Variants in TOGARAM2 observed in about 807,000 individuals in gnomAD.
TOGARAM2 encodes TOG array regulator of axonemal microtubules 2, also known as TOG array regulator of axonemal microtubules protein 2.
In TOGARAM2, 85 loss-of-function variants were observed where a neutral mutation model predicts 93.3. The observed-to-expected ratio is 0.91, with a 90% CI of 0.76 to 1.09. TOGARAM2 has a LOEUF of 1.09. Among genes scored for constraint, TOGARAM2 ranks in the 50% least tolerant of loss-of-function variants. The pLI is 0.00. For missense variants in TOGARAM2, 1,277 were observed against 1,334.5 expected, an observed-to-expected ratio of 0.96 and a Z score of 0.67; for synonymous variants, 593 against 552.8, an observed-to-expected ratio of 1.07 and a Z score of -1.02.
At chr2:29,032,053 G>A (rs1208039838) in intron 14 of TOGARAM2, among the ~76,000 whole-genome samples, 1 of 152,036 alleles carries the variant, frequency 6.6e-6, no homozygotes, top group East Asian at 1.9e-4. Context: ...GACTATTATG[G>A]TGGCCTCCTA....
chr2:29,029,698 G>C (rs1035384559), intron 14 of TOGARAM2, among the ~76,000 whole-genome samples: 1 of 147,386 alleles, frequency 6.8e-6, no homozygotes, highest in Non-Finnish European at 1.5e-5. Context: ...GGAGCTTGCA[G>C]TGAACCGAGA....
chr2:29,015,911 C>T (rs1022605906), intron 8 of TOGARAM2, among the ~76,000 whole-genome samples: 14 of 152,106 alleles, frequency 9.2e-5, no homozygotes, highest in South Asian at 4.1e-4. Flanking sequence ...TATACTGACC[C>T]GCTAGGTCCT....
At chr2:28,990,973 G>GTA (rs1672695157) in intron 1 of TOGARAM2, among the ~76,000 whole-genome samples, 2 of 59,602 alleles carry the variant, frequency 3.4e-5, no homozygotes, top group African/African-American at 1.5e-4. Flanking sequence ...GGACATGCGA[G>GTA]TGTGTGTGTG....
At chr2:29,026,200 C>T (rs905354200) in intron 13 of TOGARAM2, among the ~76,000 whole-genome samples, 10 of 152,216 alleles carry the variant, frequency 6.6e-5, no homozygotes, top group Admixed American at 3.9e-4. Context: ...TTGTTTCTGC[C>T]TCACCCCAGT....
intron 9 of TOGARAM2, 138 bp from the exon 10 acceptor site, chr2:29,017,654 T>A (rs1392176112): frequency 1.2e-6 from 1 of 821,422 alleles, no homozygotes; most frequent in Non-Finnish European, 1.8e-6. Flanking sequence ...CAAGCCATCC[T>A]CCTACCTCGG....
intron 10 of TOGARAM2, among the ~76,000 whole-genome samples, chr2:29,019,878 T>C (rs1183802496): frequency 6.6e-6 from 1 of 152,212 alleles, no homozygotes; most frequent in Non-Finnish European, 1.5e-5. Flanking sequence ...CTTGTCCTCC[T>C]GATTCTCCTA....
intron 4 of TOGARAM2, among the ~76,000 whole-genome samples, chr2:29,000,163 A>G (rs1673210380): frequency 1.3e-5 from 2 of 151,650 alleles, no homozygotes; most frequent in African/African-American, 4.8e-5. Context: ...TGAATCTTGC[A>G]TGTAATTGTC....
Position 29,032,997 on chromosome 2 carries a change from G to A in TOGARAM2, c.2076G>A (p.Lys692=), listed in dbSNP as rs758368903. 6 of 1,613,924 alleles carry A rather than the reference G, an allele frequency of 3.7e-6. No individual in the cohort carries two copies. The highest frequency in any genetic ancestry group is 4.2e-6 in the Non-Finnish European group (5 of 1,179,884). The change falls in exon 15 of 20, where the codon AAG becomes AAA. Residue 692 remains lysine, a synonymous_variant. Coordinates refer to ENST00000379558, the MANE Select transcript of TOGARAM2 (RefSeq NM_199280.4). ...ACACTAAGTTTGATGCATTTCTGAAGCAATCTCTCCCATCTTACGACTTGC... is the reference window on the plus strand; with the variant it reads ...ACACTAAGTTTGATGCATTTCTGAAACAATCTCTCCCATCTTACGACTTGC... The part of the protein sequence containing the change: ...MANTKFDAFL[K]QSLPSYDLQK...
chr2:29,032,498 T>C (rs980931105), intron 14 of TOGARAM2, among the ~76,000 whole-genome samples: 1 of 152,234 alleles, frequency 6.6e-6, no homozygotes, highest in African/African-American at 2.4e-5. Flanking sequence ...TTACCCTTTC[T>C]GGGACTTCTA....
intron 18 of TOGARAM2, among the ~76,000 whole-genome samples, chr2:29,037,320 G>A (rs1666177920): frequency 3.3e-5 from 5 of 152,126 alleles, no homozygotes; most frequent in East Asian, 1.9e-4. Context: ...TACCCAGTAC[G>A]TGGACCAAAG....
At chr2:28,983,713 C>T (rs1249397603) in intron 1 of TOGARAM2, among the ~76,000 whole-genome samples, 1 of 152,140 alleles carries the variant, frequency 6.6e-6, no homozygotes, top group East Asian at 1.9e-4. Flanking sequence ...GCATTTTTAG[C>T]TTTATCAGGT....
chr2:29,050,442 A>G (rs1430632043), intron 19 of TOGARAM2: 2 of 152,236 alleles, frequency 1.3e-5, no homozygotes, highest in East Asian at 1.9e-4. Context: ...CATGCGGTAG[A>G]AAGAGTGTGG....
intron 6 of TOGARAM2, among the ~76,000 whole-genome samples, chr2:29,006,923 A>G (rs957716857): frequency 5.3e-5 from 8 of 151,646 alleles, no homozygotes; most frequent in African/African-American, 1.9e-4. Context: ...CTTTCCTCTT[A>G]TCTCTTTACT....
chr2:29,024,302 A>G lies in TOGARAM2; in HGVS notation c.1781A>G (p.Gln594Arg), dbSNP rs1432703558. Residue 594 changes from glutamine to arginine, a missense_variant, in exon 13 of 20, where the codon CAG becomes CGG. Physicochemically the swap from Gln to Arg is conservative, Grantham distance 43. Coordinates refer to ENST00000379558, the MANE Select transcript of TOGARAM2 (RefSeq NM_199280.4). ...TNEFIQRAAG[Q>R]SLRAMVENVT... ...GAGTTCATCCAGAGAGCAGCCGGCC[A>G]GTCTCTGAGGGCTATGGTGGAGAAT... The G allele has an allele frequency of 1.2e-6, 2 of 1,613,496 alleles. No homozygotes were observed. Among genetic ancestry groups the G allele is most frequent in the Admixed American group, 1.7e-5 (1 of 59,984 alleles).
intron 18 of TOGARAM2, among the ~76,000 whole-genome samples, chr2:29,037,000 C>T (rs969777942): frequency 6.6e-6 from 1 of 152,146 alleles, no homozygotes; most frequent in Non-Finnish European, 1.5e-5. Context: ...CCAGTCCAGC[C>T]TCCTCATAGA....
upstream of TOGARAM2, among the ~76,000 whole-genome samples, chr2:28,976,590 G>A (rs924172872): frequency 6.6e-6 from 1 of 152,164 alleles, no homozygotes; most frequent in Non-Finnish European, 1.5e-5. Context: ...ATGAGGGGTT[G>A]GCTTCTGTTG....
intron 6 of TOGARAM2, among the ~76,000 whole-genome samples, chr2:29,006,106 G>A (rs1572687281): frequency 1.8e-5 from 1 of 56,068 alleles, no homozygotes; most frequent in African/African-American, 4.4e-5. Context: ...GTGCATGTGT[G>A]TGGAGTGCAT....
At chr2:29,012,616 G>A (rs1572703485) in intron 7 of TOGARAM2, among the ~76,000 whole-genome samples, 2 of 152,344 alleles carry the variant, frequency 1.3e-5, no homozygotes, top group East Asian at 3.9e-4. Context: ...ACCTGTGGCA[G>A]GGGCAGGCTG....
chr2:29,004,904 ATGTGTGTGCATGTGTACG>A (rs1673550871), intron 6 of TOGARAM2, among the ~76,000 whole-genome samples: 2 of 70,948 alleles, frequency 2.8e-5, no homozygotes, highest in African/African-American at 8.0e-5. Flanking sequence ...GTGTGAGTGC[ATGTGTGTGCATGTGTACG>A]TGTGTGAGTG....
Sources: gnomAD v4.1 joint callset for allele counts (sites outside exome capture counted in the v4.1 genomes callset) on GRCh38, gnomAD v4.1.1 for gene constraint, MANE v1.5 for transcripts, NCBI Gene and HGNC (gene_info 2026-07-23, HGNC 2026-07-21) for gene names.